Variants in HNRNPUL1 observed in about 807,000 individuals in gnomAD.
The protein encoded by HNRNPUL1 is heterogeneous nuclear ribonucleoprotein U-like protein 1.
HNRNPUL1 carries 14 observed loss-of-function variants against 108.5 expected under a neutral mutation model. The observed-to-expected ratio is 0.13, with a 90% CI of 0.09 to 0.20. HNRNPUL1 has a LOEUF of 0.20. Among genes scored for constraint, HNRNPUL1 ranks in the 10% least tolerant of loss-of-function variants. The pLI, the probability that HNRNPUL1 is intolerant of heterozygous loss-of-function variation, is 1.00. For missense variants in HNRNPUL1, 804 were observed against 1,168.3 expected (o/e 0.69, Z 4.55); for synonymous variants, 422 against 445.2 (o/e 0.95, Z 0.66).
chr19:41,290,915 G>T (rs1401525387), intron 7 of HNRNPUL1, among the ~76,000 whole-genome samples: 2 of 152,148 alleles, frequency 1.3e-5, no homozygotes, highest in East Asian at 3.9e-4. Flanking sequence ...TTAGCCGGGC[G>T]TGGTGGCACA....
chr19:41,280,762 C>T (rs138495028), intron 6 of HNRNPUL1, among the ~76,000 whole-genome samples: 1 of 152,264 alleles, frequency 6.6e-6, no homozygotes, highest in East Asian at 1.9e-4. Flanking sequence ...TCATGGTCTC[C>T]AGGAGCAAAA....
At chr19:41,274,572 A>G (rs1024180971) in intron 4 of HNRNPUL1, among the ~76,000 whole-genome samples, 2 of 152,128 alleles carry the variant, frequency 1.3e-5, no homozygotes, top group African/African-American at 4.8e-5. Context: ...TTTCCACTGG[A>G]TAAGTGGCTT....
chr19:41,293,509 C>T (rs181262582), intron 8 of HNRNPUL1, among the ~76,000 whole-genome samples: 6 of 152,316 alleles, frequency 3.9e-5, no homozygotes, highest in Admixed American at 3.9e-4. Context: ...CCCCCCTAGT[C>T]GGGCATTTAA....
rs571641666 is a variant in HNRNPUL1 at position 41,283,376 on chromosome 19, G to T, written c.999+2101G>T. Among the ~76,000 whole-genome samples, 54 of 152,346 alleles carry T rather than the reference G, an allele frequency of 3.5e-4. 2 individuals are homozygous for T. In the South Asian group the frequency reaches 9.9e-3, roughly 28 times the overall value. ...ACTCACTGCAACCTCCGCCTCCGGGGTTCAAGTGATTCTTGTGCCTCAGCC... is the reference window on the plus strand; with the variant it reads ...ACTCACTGCAACCTCCGCCTCCGGGTTTCAAGTGATTCTTGTGCCTCAGCC... On this transcript the variant is annotated intron_variant, in intron 7 of 14. Coordinates refer to ENST00000392006, the MANE Select transcript of HNRNPUL1 (RefSeq NM_007040.6).
intron 7 of HNRNPUL1, among the ~76,000 whole-genome samples, chr19:41,290,296 A>T (rs1239936778): frequency 2.2e-4 from 34 of 152,208 alleles, no homozygotes; most frequent in Admixed American, 2.2e-3. Context: ...AAAAATATTT[A>T]ACAAACGTTT....
At chr19:41,273,852 C>G in intron 3 of HNRNPUL1, 130 bp from the exon 4 acceptor site, 1 of 702,852 alleles carries the variant, frequency 1.4e-6, no homozygotes, top group Non-Finnish European at 2.4e-6. Flanking sequence ...TTTTGCCCAC[C>G]TCTGTGGAAG....
rs749149036 is a variant in HNRNPUL1, at chr19:41,302,835, C to T, written c.1858C>T (p.Arg620Cys). ...DNRGGGGFRG[R>C]GGGGGFQRYE... is the part of the protein sequence containing the mutation. Reference sequence around the variant, plus strand: ...CCGAGGTGGTGGTGGCTTCCGGGGCCGCGGGGGTGGTGGTGGCTTCCAGCG... The same window carrying T: ...CCGAGGTGGTGGTGGCTTCCGGGGCTGCGGGGGTGGTGGTGGCTTCCAGCG... The change falls in exon 12 of 15, where the codon CGC becomes TGC. Residue 620 changes from arginine to cysteine, a missense_variant. Arg to Cys is a radical substitution (Grantham distance 180). Transcript: ENST00000392006. 6.3e-6 allele frequency: 10 copies of T among 1,596,104 alleles called. No individual in the cohort carries two copies. Among genetic ancestry groups the T allele is most frequent in the South Asian group, 2.3e-5 (2 of 88,834 alleles).
At chr19:41,279,475 C>T (rs2035778276) in intron 6 of HNRNPUL1, among the ~76,000 whole-genome samples, 1 of 152,196 alleles carries the variant, frequency 6.6e-6, no homozygotes, top group African/African-American at 2.4e-5. Flanking sequence ...ATCAGTGTCT[C>T]CTGCCCTTAA....
Position 41,306,543 on chromosome 19 carries a change from A to T in HNRNPUL1, c.2549A>T (p.Gln850Leu), listed in dbSNP as rs766030055. The part of the protein sequence containing the change: ...YDYGSYSGNT[Q>L]GGTSTQ ...TACGGGAGCTACTCCGGGAACACAC[A>T]GGGTGGCACAAGTACACAGTAGCCA... Residue 850 changes from glutamine (Q) to leucine (L), a missense_variant, in exon 15 of 15, where the codon CAG (glutamine) becomes CTG (leucine). This residue lies in a region of HNRNPUL1 where 294 missense variants were observed against 388.3 expected (regional missense o/e 0.76). Transcript: ENST00000392006. The T allele has an allele frequency of 2.6e-5, 41 of 1,602,004 alleles. 1 individual carries two copies. The Middle Eastern group carries it at 2.2e-3, about 84-fold the overall frequency.
intron 10 of HNRNPUL1, among the ~76,000 whole-genome samples, chr19:41,298,313 T>A (rs150836766): frequency 4.5e-4 from 68 of 152,276 alleles, no homozygotes; most frequent in African/African-American, 1.6e-3. Context: ...ACAGCCACAT[T>A]TTCTCTTGGA....
intron 6 of HNRNPUL1, among the ~76,000 whole-genome samples, 155 bp downstream of exon 6, chr19:41,279,331 C>T (rs1344968436): frequency 3.3e-5 from 5 of 152,206 alleles, no homozygotes; most frequent in Non-Finnish European, 7.3e-5. Context: ...GCCACTGTCT[C>T]TGTCATGCTG....
At chr19:41,285,037 C>G (rs1445419270) in intron 7 of HNRNPUL1, among the ~76,000 whole-genome samples, 1 of 148,820 alleles carries the variant, frequency 6.7e-6, no homozygotes, top group African/African-American at 2.5e-5. Context: ...GGCTATAATT[C>G]AAGAAAAAGT....
intron 13 of HNRNPUL1, 179 bp from the exon 14 acceptor site, chr19:41,305,497 C>T: frequency 1.3e-6 from 1 of 754,790 alleles, no homozygotes; most frequent in South Asian, 1.7e-5. Flanking sequence ...CTTCATCCTG[C>T]CCTACCATGG....
At position 41,294,701 on chromosome 19, in the gene HNRNPUL1, C is replaced by T. The variant is rs757524774; in HGVS notation, c.1518+15C>T. The stretch of plus-strand genomic sequence containing the variant: ...TCCTAGATCAGGTACTTAATGATGA[C>T]CATTGTGTCCTCAGGAGAAGGGAGG... On this transcript the variant is annotated intron_variant, in intron 10 of 14. Coordinates refer to ENST00000392006, the MANE Select transcript of HNRNPUL1 (RefSeq NM_007040.6). This position sits in a 1 kb window ranked among gnomAD's most constrained non-coding sequence, Gnocchi z 4.3. 12 of 1,613,924 alleles carry T rather than the reference C, an allele frequency of 7.4e-6. No homozygotes were observed. In the East Asian group the frequency reaches 2.0e-4, roughly 27 times the overall value.
chr19:41,303,350 ATTT>A (rs34393408), intron 12 of HNRNPUL1, among the ~76,000 whole-genome samples: 5 of 119,080 alleles, frequency 4.2e-5, no homozygotes, highest in Admixed American at 8.7e-5. Flanking sequence ...GCTTCCTCTC[ATTT>A]TTTTTTTTTT....
In HNRNPUL1 at chr19:41,305,881, T is replaced by C. The variant is rs540823332; in HGVS notation, c.2454+14T>C. 4.5e-6 allele frequency: 7 copies of C among 1,539,012 alleles called. No individual in the cohort carries two copies. The African/African-American group carries it at 8.3e-5, about 18-fold the overall frequency. ...CAGTATCAGCAGGTAGGTGCCAGAC[T>C]GGGGGCCAACTGGATGGAGAGACTT... On this transcript the variant is annotated intron_variant, in intron 14 of 14. Coordinates refer to ENST00000392006, the MANE Select transcript of HNRNPUL1 (RefSeq NM_007040.6).
At chr19:41,298,943 C>G (rs1435338907) in intron 10 of HNRNPUL1, 1 of 150,332 alleles carries the variant, frequency 6.7e-6, no homozygotes, top group African/African-American at 2.4e-5. Flanking sequence ...AAAAAAAATG[C>G]AGAATGGTCT....
intron 7 of HNRNPUL1, chr19:41,291,857 T>TCG: frequency 5.0e-6 from 1 of 199,104 alleles, no homozygotes; most frequent in African/African-American, 2.3e-5. Context: ...GGAACATGCC[T>TCG]GTAGTCCCAG....
chr19:41,300,827 T>G (rs2037167851), intron 10 of HNRNPUL1, among the ~76,000 whole-genome samples: 1 of 152,192 alleles, frequency 6.6e-6, no homozygotes, highest in Non-Finnish European at 1.5e-5. Context: ...TCTCCTGATG[T>G]GTAGAGCTTG....
Sources: gnomAD v4.1 joint callset for allele counts (sites outside exome capture counted in the v4.1 genomes callset) on GRCh38, gnomAD v4.1.1 for gene constraint, gnomAD v4.1.1 regional missense constraint, Gnocchi (gnomAD v3.1) non-coding constraint, MANE v1.5 for transcripts, NCBI Gene and HGNC (gene_info 2026-07-23, HGNC 2026-07-21) for gene names.